Variants in PTPRG observed in about 807,000 individuals in gnomAD.
PTPRG encodes receptor-type tyrosine-protein phosphatase gamma.
A neutral mutation model predicts 165.3 loss-of-function variants in PTPRG; 102 were observed. That is an observed-to-expected ratio of 0.62 (90% confidence interval 0.53 to 0.73). The LOEUF is 0.73. Among genes scored for constraint, PTPRG ranks in the 30% least tolerant of loss-of-function variants. The pLI is 0.00. For missense variants in PTPRG, 1,866 were observed against 1,861.4 expected (o/e 1.00, Z -0.05); for synonymous variants, 675 against 669.5 (o/e 1.01, Z -0.13).
intron 2 of PTPRG, among the ~76,000 whole-genome samples, chr3:61,968,259 C>T (rs1297202196): frequency 6.6e-6 from 1 of 151,752 alleles, no homozygotes; most frequent in Non-Finnish European, 1.5e-5. Flanking sequence ...TCATATTCTG[C>T]TTTTTTTTGC....
At chr3:61,968,558 G>C (rs1054204273) in intron 2 of PTPRG, among the ~76,000 whole-genome samples, 1 of 152,176 alleles carries the variant, frequency 6.6e-6, no homozygotes, top group Non-Finnish European at 1.5e-5. Flanking sequence ...GTAAATTTTA[G>C]TGCCTTTGGC....
chr3:61,979,255 G>A (rs1245158360), intron 2 of PTPRG, among the ~76,000 whole-genome samples: 1 of 152,172 alleles, frequency 6.6e-6, no homozygotes, highest in East Asian at 1.9e-4. Flanking sequence ...CACCGTTACT[G>A]ATAATATCTT....
rs951767381 is a variant in PTPRG at position 62,214,338 on chromosome 3, G to C, written c.2156-4513G>C. On this transcript the variant is annotated intron_variant, in intron 12 of 29. Transcript: ENST00000474889. This position sits in a 1 kb window ranked among gnomAD's most constrained non-coding sequence, Gnocchi z 5.2. ...CGGGTGATGGTGTTGCCGAAGCTGG[G>C]GTGGTGGTGATGACAATAATCACAA... Among the ~76,000 whole-genome samples, 1 of 152,212 alleles carries C rather than the reference G, an allele frequency of 6.6e-6. No homozygotes were observed. Among genetic ancestry groups the C allele is most frequent in the African/African-American group, 2.4e-5 (1 of 41,450 alleles).
rs57335330 is a variant in PTPRG at position 61,965,244 on chromosome 3, C to CAAAA, written c.191-24369_191-24366dup. 6.5e-4 allele frequency among the ~76,000 whole-genome samples: 88 copies of CAAAA among 134,840 alleles called. 3 individuals carry two copies. Among genetic ancestry groups the CAAAA allele is most frequent in the East Asian group, 1.1e-3 (5 of 4,628 alleles). 88.5% of individuals were successfully genotyped at this position (134,840 alleles called of 152,430 possible). A position where few individuals can be genotyped will look rare whatever the true frequency, so the allele number is the denominator to read the frequency against. On this transcript the variant is annotated intron_variant, in intron 2 of 29. Transcript: ENST00000474889. ...GGGCAACAAGAGCGAAACTCTGTCT[C>CAAAA]AAAAAAAAAAAAAAATCCAGAATGA...
Position 62,210,222 on chromosome 3 carries a change from G to A in PTPRG, c.2155+6272G>A, listed in dbSNP as rs564123721. ...AATGATGCTCTAATCCTGCCCACAC[G>A]AGTTAACACAGAGCCAGTGTCCTGT... On this transcript the variant is annotated intron_variant, in intron 12 of 29. Coordinates refer to ENST00000474889, the MANE Select transcript of PTPRG (RefSeq NM_002841.4). The surrounding 1 kb of genome is among the most constrained non-coding windows in gnomAD (Gnocchi z 4.1). 4.3e-4 allele frequency among the ~76,000 whole-genome samples: 66 copies of A among 152,276 alleles called. No individual in the cohort carries two copies. The highest frequency in any genetic ancestry group is 1.5e-3 in the African/African-American group (64 of 41,546).
intron 14 of PTPRG, among the ~76,000 whole-genome samples, chr3:62,235,840 T>C (rs1701020704): frequency 1.3e-5 from 2 of 152,196 alleles, no homozygotes; most frequent in Non-Finnish European, 2.9e-5. Context: ...TTCTCTTTTC[T>C]CTTCCCTTTT....
chr3:61,902,570 T>C (rs2038527600), intron 2 of PTPRG, among the ~76,000 whole-genome samples: 1 of 152,170 alleles, frequency 6.6e-6, no homozygotes, highest in African/African-American at 2.4e-5. Flanking sequence ...ATAGTATCTG[T>C]CCTGATTTCA....
intron 1 of PTPRG, among the ~76,000 whole-genome samples, chr3:61,731,531 T>C (rs1334504352): frequency 6.6e-6 from 1 of 151,978 alleles, no homozygotes; most frequent in Non-Finnish European, 1.5e-5. Context: ...TGTATTTTAG[T>C]AGAGACAGGG....
intron 2 of PTPRG, chr3:61,753,601 TGG>T: frequency 2.3e-6 from 1 of 441,380 alleles, no homozygotes; most frequent in South Asian, 1.6e-5. Context: ...TTTTTTTTTT[TGG>T]AGATTGGATC....
At chr3:62,100,888 G>A (rs1479775491) in intron 5 of PTPRG, among the ~76,000 whole-genome samples, 1 of 152,160 alleles carries the variant, frequency 6.6e-6, no homozygotes, top group African/African-American at 2.4e-5. Context: ...CTGGTGAGAA[G>A]TAGAACCACG....
chr3:62,078,062 C>G, intron 4 of PTPRG, 101 bp from the exon 5 acceptor site: 1 of 699,612 alleles, frequency 1.4e-6, no homozygotes, highest in Non-Finnish European at 2.3e-6. Context: ...TTGGCAAAAT[C>G]TTATTAGCAA....
intron 1 of PTPRG, among the ~76,000 whole-genome samples, chr3:61,666,109 C>T (rs767224020): frequency 1.3e-5 from 2 of 151,700 alleles, no homozygotes; most frequent in Non-Finnish European, 2.9e-5. Flanking sequence ...TTGAGTTTGG[C>T]CAGAAAATCC....
chr3:61,915,828 A>T (rs748387857), intron 2 of PTPRG, among the ~76,000 whole-genome samples: 18 of 152,198 alleles, frequency 1.2e-4, no homozygotes, highest in Non-Finnish European at 2.2e-4. Context: ...TTTAAAGTCA[A>T]ATATCTGAAC....
intron 8 of PTPRG, among the ~76,000 whole-genome samples, chr3:62,183,590 G>A (rs968813832): frequency 5.5e-4 from 83 of 151,782 alleles, no homozygotes; most frequent in South Asian, 1.9e-3. Flanking sequence ...AAAAAGAATG[G>A]CACAGAATGA....
chr3:61,789,730 A>C (rs1191259660), intron 2 of PTPRG, among the ~76,000 whole-genome samples: 1 of 152,222 alleles, frequency 6.6e-6, no homozygotes, highest in African/African-American at 2.4e-5. Context: ...TGAAACCCTA[A>C]GTGTTTGTAT....
At position 62,195,616 on chromosome 3, in the gene PTPRG, G is replaced by A. The variant is rs1193615982; in HGVS notation, c.1327+446G>A. On this transcript the variant is annotated intron_variant, in intron 10 of 29. Coordinates refer to ENST00000474889, the MANE Select transcript of PTPRG (RefSeq NM_002841.4). This position sits in a 1 kb window ranked among gnomAD's most constrained non-coding sequence, Gnocchi z 4.4. ...AAGCCACACAAACAAGCGCCTGCATGCAGGATCCTTGAGATTCCTGGATCT... is the reference window on the plus strand; with the variant it reads ...AAGCCACACAAACAAGCGCCTGCATACAGGATCCTTGAGATTCCTGGATCT... Among the ~76,000 whole-genome samples the A allele has an allele frequency of 6.6e-6, 1 of 152,134 alleles. No individual in the cohort carries two copies. Among genetic ancestry groups the A allele is most frequent in the African/African-American group, 2.4e-5 (1 of 41,434 alleles).
Position 61,691,080 on chromosome 3 carries a change from G to A in PTPRG, c.86-57798G>A, listed in dbSNP as rs797021186. Among the ~76,000 whole-genome samples the A allele has an allele frequency of 2.0e-4, 31 of 151,292 alleles. 1 individual carries two copies. The highest frequency in any genetic ancestry group is 7.5e-4 in the African/African-American group (31 of 41,508). On this transcript the variant is annotated intron_variant, in intron 1 of 29. Transcript: ENST00000474889. Reference sequence around the variant, plus strand: ...CTCAAGTGTAAGTCTATGTATATATGACATGGAAAAATGTTTAAGATGTGG... The same window carrying A: ...CTCAAGTGTAAGTCTATGTATATATAACATGGAAAAATGTTTAAGATGTGG...
rs1157416270 is a variant in PTPRG at position 62,219,644 on chromosome 3, C to T, written c.2288+661C>T. 1.3e-5 allele frequency among the ~76,000 whole-genome samples: 2 copies of T among 152,178 alleles called. No individual in the cohort carries two copies. The highest frequency in any genetic ancestry group is 4.8e-5 in the African/African-American group (2 of 41,434). The stretch of plus-strand genomic sequence containing the variant: ...CAAGCCCACTCGTTTGGCCTGGGTG[C>T]CCTCACCTCTCAGACTAACGTAGGA... On this transcript the variant is annotated intron_variant, in intron 13 of 29. Coordinates refer to ENST00000474889, the MANE Select transcript of PTPRG (RefSeq NM_002841.4). This position sits in a 1 kb window ranked among gnomAD's most constrained non-coding sequence, Gnocchi z 4.5.
chr3:62,024,940 C>T (rs182303305), intron 4 of PTPRG, among the ~76,000 whole-genome samples: 4 of 152,290 alleles, frequency 2.6e-5, no homozygotes, highest in East Asian at 3.9e-4. Flanking sequence ...ATCTGTCTTT[C>T]GAAGCAGGTT....
Sources: allele counts gnomAD v4.1 joint callset (sites outside exome capture counted in the v4.1 genomes callset), GRCh38; gene constraint gnomAD v4.1.1; non-coding constraint Gnocchi (gnomAD v3.1); transcripts MANE v1.5; gene names NCBI Gene and HGNC (gene_info 2026-07-23, HGNC 2026-07-21).